Variants in PRDM7 observed in about 807,000 individuals in gnomAD.
The protein encoded by PRDM7 is PR/SET domain 7.
PRDM7 carries 52 observed loss-of-function variants against 64.3 expected under a neutral mutation model. The ratio of observed to expected loss-of-function variants is 0.81; its 90% CI spans 0.65 to 1.02. The LOEUF (loss-of-function observed/expected upper bound fraction) is 1.02, where lower values mean the gene tolerates loss of function less well. Among genes scored for constraint, PRDM7 ranks in the 50% least tolerant of loss-of-function variants. The probability of loss-of-function intolerance (pLI) is 0.00; values close to 1 mark genes in which losing one functional copy is unlikely to be tolerated. For synonymous variants in PRDM7, 192 were observed against 210.1 expected (o/e 0.91, Z 0.74); for missense variants, 574 against 597.1 (o/e 0.96, Z 0.40).
At chr16:90,058,850 G>A (rs538854809) in intron 10 of PRDM7, among the ~76,000 whole-genome samples, 1 of 152,104 alleles carries the variant, frequency 6.6e-6, no homozygotes, top group African/African-American at 2.4e-5. Flanking sequence ...CCATGCCACA[G>A]GTATCTTCCA....
At chr16:90,065,441 A>AT (rs2037858451) in intron 5 of PRDM7, among the ~76,000 whole-genome samples, 1 of 148,998 alleles carries the variant, frequency 6.7e-6, no homozygotes, top group African/African-American at 2.5e-5. Context: ...GAAAAAAATA[A>AT]TTTTTCTCAC....
chr16:90,065,633 G>A (rs1157883010), intron 5 of PRDM7, among the ~76,000 whole-genome samples: 1 of 150,968 alleles, frequency 6.6e-6, no homozygotes, highest in Non-Finnish European at 1.5e-5. Context: ...TACTCAGGAG[G>A]CTGAGGCAGG....
In PRDM7 at chr16:90,075,400, T is replaced by A; in HGVS notation, c.144A>T (p.Lys48Asn). The A allele has an allele frequency of 3.7e-6, 6 of 1,614,208 alleles. No homozygotes were observed. The highest frequency in any genetic ancestry group is 2.2e-5 in the South Asian group (2 of 91,084). Reference protein sequence around the residue: ...EEWAEMGDWEKTRYRNVKMNY... With the variant: ...EEWAEMGDWENTRYRNVKMNY... ...TCATTTTCACATTCCTATAGCGAGTTTTCTCCCAGTCTCCCATTTCTGCCC... is the reference window on the plus strand; with the variant it reads ...TCATTTTCACATTCCTATAGCGAGTATTCTCCCAGTCTCCCATTTCTGCCC... The change falls in exon 3 of 11, where the codon AAA becomes AAT. Residue 48 changes from lysine (K) to asparagine (N), a missense_variant. By Grantham distance (94) the Lys-to-Asn change is moderately conservative. Coordinates refer to ENST00000449207, the MANE Select transcript of PRDM7 (RefSeq NM_001098173.2). The surrounding 1 kb of genome is among the most constrained non-coding windows in gnomAD (Gnocchi z 4.3).
chr16:90,068,914 TA>T (rs773651535), intron 4 of PRDM7, among the ~76,000 whole-genome samples: 8 of 151,446 alleles, frequency 5.3e-5, no homozygotes, highest in Non-Finnish European at 8.8e-5. Context: ...GAAGACTTAA[TA>T]TTGTTAACAT....
In PRDM7 at chr16:90,058,141, A is replaced by G. The variant is rs549358870; in HGVS notation, c.*148T>C. 440 of 1,613,998 alleles carry G rather than the reference A, an allele frequency of 2.7e-4. 1 individual carries two copies. The highest frequency in any genetic ancestry group is 1.3e-4 in the South Asian group (12 of 91,068). On this transcript the variant is annotated 3_prime_UTR_variant, in exon 11 of 11. Coordinates refer to ENST00000449207, the MANE Select transcript of PRDM7 (RefSeq NM_001098173.2). ...AATTCTTGAGATTCCTACCCCCACA[A>G]ATAATTTGCCTGTGTTCCCTGGATT... is the stretch of plus-strand genomic sequence containing the variant.
At chr16:90,066,839 A>G (rs2151309611) in intron 5 of PRDM7, 22 bp downstream of exon 5, 1 of 1,559,874 alleles carries the variant, frequency 6.4e-7, no homozygotes, top group South Asian at 1.1e-5. Context: ...TTTCTTGTCA[A>G]CAGGATTTGG....
At chr16:90,061,554 A>G in intron 8 of PRDM7, 35 bp from the exon 9 acceptor site, 1 of 1,553,608 alleles carries the variant, frequency 6.4e-7, no homozygotes, top group Non-Finnish European at 8.9e-7. Flanking sequence ...GACTTTTTAG[A>G]GGGTAAAAAT....
At chr16:90,070,787 C>T (rs2037945667) in intron 4 of PRDM7, among the ~76,000 whole-genome samples, 1 of 152,178 alleles carries the variant, frequency 6.6e-6, no homozygotes, top group Non-Finnish European at 1.5e-5. Context: ...TGTCAGAAAA[C>T]AAATTTCTGT....
At chr16:90,061,337 A>G (rs1475636855) in intron 9 of PRDM7, 115 bp downstream of exon 9, 2 of 1,091,082 alleles carry the variant, frequency 1.8e-6, no homozygotes, top group African/African-American at 1.6e-5. Flanking sequence ...TGTATGGAGA[A>G]AAATAGAAAT....
At chr16:90,068,343 A>G (rs1195416103) in intron 4 of PRDM7, among the ~76,000 whole-genome samples, 11 of 150,956 alleles carry the variant, frequency 7.3e-5, no homozygotes. Context: ...TAGAAGTAAT[A>G]CACGAATTTG....
intron 5 of PRDM7, among the ~76,000 whole-genome samples, chr16:90,065,389 G>A (rs2037855919): frequency 3.0e-5 from 2 of 67,424 alleles, no homozygotes; most frequent in South Asian, 1.2e-3. Flanking sequence ...GTGAAACTCT[G>A]TCTGAAAAAA....
intron 10 of PRDM7, among the ~76,000 whole-genome samples, chr16:90,059,144 G>A (rs1234073130): frequency 6.6e-6 from 1 of 152,154 alleles, no homozygotes; most frequent in African/African-American, 2.4e-5. Flanking sequence ...TTATGTGCCC[G>A]GTTCTCCATC....
At chr16:90,061,110 A>G (rs2037769085) in intron 9 of PRDM7, among the ~76,000 whole-genome samples, 2 of 152,184 alleles carry the variant, frequency 1.3e-5, no homozygotes, top group African/African-American at 4.8e-5. Context: ...CCTGCAGTTC[A>G]CTTCTGTTCA....
In PRDM7 at chr16:90,075,819, G is replaced by T; in HGVS notation, c.69+23C>A. 1 of 1,611,306 alleles carries T rather than the reference G, an allele frequency of 6.2e-7. No homozygotes were observed. The highest frequency in any genetic ancestry group is 8.5e-7 in the Non-Finnish European group (1 of 1,178,272). On this transcript the variant is annotated intron_variant, in intron 2 of 10. Coordinates refer to ENST00000449207, the MANE Select transcript of PRDM7 (RefSeq NM_001098173.2). The surrounding 1 kb of genome is among the most constrained non-coding windows in gnomAD (Gnocchi z 4.3). ...GAGATCAGCTCCTGCTGGGAGTCTG[G>T]CTTCGCCTCCCCGACTTCTCACCAT...
intron 6 of PRDM7, among the ~76,000 whole-genome samples, chr16:90,063,301 G>A (rs1266924137): frequency 6.6e-6 from 1 of 152,128 alleles, no homozygotes; most frequent in East Asian, 1.9e-4. Context: ...AGCCGGGCAC[G>A]GTGGTGCACA....
rs1309844727 is a variant in PRDM7, at chr16:90,057,974, C to T, written c.*315G>A. On this transcript the variant is annotated 3_prime_UTR_variant, in exon 11 of 11. Transcript: ENST00000449207. ...CTCCCCTGTGTGTGTCCTCTGGTGA[C>T]TGAGGAGGTCTGACTTCCGGCTAAA... 6.9e-6 allele frequency: 11 copies of T among 1,601,894 alleles called. No homozygotes were observed. Among genetic ancestry groups the T allele is most frequent in the African/African-American group, 5.4e-5 (4 of 74,178 alleles).
Position 90,062,438 on chromosome 16 carries a change from G to C in PRDM7, c.573C>G (p.Tyr191Ter). 6.2e-7 allele frequency: 1 copy of C among 1,614,142 alleles called. No homozygotes were observed. ...CATCCTGTGGCTCGCTGATCTCTTT[G>C]TATGCATGACCCTTTCTTTCTCGCA... ...YSLRERKGHA[Y>*]KEISEPQDDD... The change falls in exon 7 of 11, where the codon TAC becomes TAG. Residue 191 changes from tyrosine (Y) to a stop codon, truncating the protein, a stop_gained. Transcript: ENST00000449207. LOFTEE classifies it high-confidence loss of function.
Position 90,058,003 on chromosome 16 carries a change from C to T in PRDM7, c.*286G>A. The T allele has an allele frequency of 1.2e-6, 2 of 1,607,378 alleles. No individual in the cohort carries two copies. Among genetic ancestry groups the T allele is most frequent in the Non-Finnish European group, 1.7e-6 (2 of 1,175,616 alleles). On this transcript the variant is annotated 3_prime_UTR_variant, in exon 11 of 11. Transcript: ENST00000449207. The stretch of plus-strand genomic sequence containing the variant: ...GGAGGTCTGACTTCCGGCTAAAGCC[C>T]TCCCACACTCTCTGCAGACGTAGGG...
rs1001021262 is a variant in PRDM7, at chr16:90,056,786, A to G, written c.*1503T>C. ...ACAGAACAGACCGGGAAGTTTCACA[A>G]TGTCTTTCTATAATCTATAGATAAC... On this transcript the variant is annotated 3_prime_UTR_variant, in exon 11 of 11. Coordinates refer to ENST00000449207, the MANE Select transcript of PRDM7 (RefSeq NM_001098173.2). The G allele has an allele frequency of 6.6e-6, 1 of 152,180 alleles. No individual in the cohort carries two copies. The highest frequency in any genetic ancestry group is 2.4e-5 in the African/African-American group (1 of 41,432). 9.4% of individuals were successfully genotyped at this position (152,180 alleles called of 1,614,324 possible).
Sources: gnomAD v4.1 joint callset for allele counts (sites outside exome capture counted in the v4.1 genomes callset) on GRCh38, gnomAD v4.1.1 for gene constraint, Gnocchi (gnomAD v3.1) non-coding constraint, MANE v1.5 for transcripts, NCBI Gene and HGNC (gene_info 2026-07-23, HGNC 2026-07-21) for gene names.